PKNOX2: variants seen among roughly 807,000 people sequenced by gnomAD.
PKNOX2 encodes homeobox protein PKNOX2.
A neutral mutation model predicts 53.1 loss-of-function variants in PKNOX2; 14 were observed. The ratio of observed to expected loss-of-function variants is 0.26; its 90% confidence interval spans 0.17 to 0.41. The LOEUF (loss-of-function observed/expected upper bound fraction) is 0.41. Among genes scored for constraint, PKNOX2 ranks in the 10% least tolerant of loss-of-function variants. The pLI, the probability that PKNOX2 is intolerant of heterozygous loss-of-function variation, is 1.00. For synonymous variants in PKNOX2, 257 were observed against 242.8 expected (o/e 1.06, Z -0.54); for missense variants, 496 against 602.8 (o/e 0.82, Z 1.85).
chr11:125,263,644 C>T (rs987950987), intron 2 of PKNOX2, among the ~76,000 whole-genome samples: 1 of 152,238 alleles, frequency 6.6e-6, no homozygotes, highest in African/African-American at 2.4e-5. Flanking sequence ...GGGAGAGCTG[C>T]CGAGGGCCAG....
intron 11 of PKNOX2, 110 bp from the exon 12 acceptor site, chr11:125,429,853 C>A: frequency 7.9e-7 from 1 of 1,268,558 alleles, no homozygotes; most frequent in Non-Finnish European, 1.1e-6. Flanking sequence ...GGGATGGGAA[C>A]CCCGGTCTGC....
chr11:125,282,922 C>T lies in PKNOX2; in HGVS notation c.-130+47807C>T, dbSNP rs112740296. ...ATCCCAGCACTTTGGGGTGCTGAGG[C>T]GGGTGGATCACTTGAGGTCAGGAGT... is the stretch of plus-strand genomic sequence containing the variant. On this transcript the variant is annotated intron_variant, in intron 2 of 12. Transcript: ENST00000298282. 2.6e-3 allele frequency among the ~76,000 whole-genome samples: 398 copies of T among 152,262 alleles called. 2 individuals carry two copies. Among genetic ancestry groups the T allele is most frequent in the South Asian group, 9.1e-3 (44 of 4,830 alleles).
intron 7 of PKNOX2, among the ~76,000 whole-genome samples, chr11:125,404,236 C>T (rs754461805): frequency 2.3e-4 from 35 of 152,352 alleles, no homozygotes; most frequent in South Asian, 6.2e-4. Flanking sequence ...TCTCTTCTGC[C>T]GGTTCCTCAC....
intron 2 of PKNOX2, among the ~76,000 whole-genome samples, chr11:125,246,095 G>T (rs1273472767): frequency 6.6e-6 from 1 of 152,194 alleles, no homozygotes; most frequent in African/African-American, 2.4e-5. Context: ...TAGCCAGGAG[G>T]TGTCTTCATC....
At chr11:125,230,460 G>A (rs376906134) in intron 1 of PKNOX2, among the ~76,000 whole-genome samples, 7 of 152,156 alleles carry the variant, frequency 4.6e-5, no homozygotes, top group Non-Finnish European at 7.4e-5. Context: ...TTGGAGGGAC[G>A]AGTGGTCCAT....
chr11:125,407,239 A>C (rs1301960207), intron 7 of PKNOX2, among the ~76,000 whole-genome samples: 1 of 152,222 alleles, frequency 6.6e-6, no homozygotes, highest in African/African-American at 2.4e-5. Context: ...TTAGTTACCC[A>C]AATTGGGTAA....
intron 2 of PKNOX2, among the ~76,000 whole-genome samples, chr11:125,268,093 GA>G (rs1285480482): frequency 6.6e-6 from 1 of 152,218 alleles, no homozygotes; most frequent in Non-Finnish European, 1.5e-5. Flanking sequence ...GAATCTCAGG[GA>G]AAACAGGAGC....
intron 4 of PKNOX2, among the ~76,000 whole-genome samples, chr11:125,358,974 G>A (rs1951770683): frequency 6.6e-6 from 1 of 152,224 alleles, no homozygotes; most frequent in African/African-American, 2.4e-5. Context: ...GGCCTGGGGA[G>A]GGAGGAGAAG....
Position 125,410,843 on chromosome 11 carries a change from C to A in PKNOX2, c.783C>A (p.Ile261=). Reference sequence around the variant, plus strand: ...AGGGTCAGGTGGTCACCCAAGCAATCCCCCAGGGAGCCATCCAGATCCAGA... The same window carrying A: ...AGGGTCAGGTGGTCACCCAAGCAATACCCCAGGGAGCCATCCAGATCCAGA... ...TSQGQVVTQA[I]PQGAIQIQNT... The change falls in exon 9 of 13, where the codon ATC becomes ATA. Residue 261 remains isoleucine (I), a synonymous_variant. Coordinates refer to ENST00000298282, the MANE Select transcript of PKNOX2 (RefSeq NM_001382323.2). 6.2e-7 allele frequency: 1 copy of A among 1,614,026 alleles called. No individual in the cohort carries two copies. Among genetic ancestry groups the A allele is most frequent in the Non-Finnish European group, 8.5e-7 (1 of 1,179,968 alleles).
At chr11:125,398,410 G>C (rs1026133855) in intron 7 of PKNOX2, among the ~76,000 whole-genome samples, 29 of 152,232 alleles carry the variant, frequency 1.9e-4, no homozygotes, top group East Asian at 1.3e-3. Context: ...GCTGGGACAG[G>C]CTTCTTAAGA....
In PKNOX2 at chr11:125,411,180, G is replaced by C. The variant is rs61917823; in HGVS notation, c.816+304G>C. The C allele has an allele frequency of 9.5e-3, 3,102 of 327,460 alleles. 34 individuals carry two copies. Among genetic ancestry groups the C allele is most frequent in the Middle Eastern group, 0.071 (77 of 1,092 alleles). The allele number at this position is 327,460 out of a possible 1,614,324, so 20.3% of individuals were successfully genotyped here. ...TGCACACACAAAGGAAGAGTAGAAA[G>C]ATCGGAAGTCAGAGTCTGGGATCTG... On this transcript the variant is annotated intron_variant, in intron 9 of 12. Coordinates refer to ENST00000298282, the MANE Select transcript of PKNOX2 (RefSeq NM_001382323.2).
chr11:125,344,225 G>T (rs1250129766), intron 3 of PKNOX2, among the ~76,000 whole-genome samples: 1 of 152,216 alleles, frequency 6.6e-6, no homozygotes, highest in Non-Finnish European at 1.5e-5. Context: ...TAAGTGATCT[G>T]TTGGCCCGAC....
chr11:125,392,941 G>A (rs1768528319), intron 6 of PKNOX2, among the ~76,000 whole-genome samples: 1 of 152,052 alleles, frequency 6.6e-6, no homozygotes, highest in African/African-American at 2.4e-5. Flanking sequence ...GGCGGATCAT[G>A]AGGTCAGGAG....
intron 1 of PKNOX2, among the ~76,000 whole-genome samples, chr11:125,173,232 G>C (rs35660695): frequency 0.26 from 39,985 of 152,138 alleles, 5,458 homozygotes; most frequent in East Asian, 0.3. Context: ...TTAGTCTTCT[G>C]TCCTAATAAA....
intron 2 of PKNOX2, among the ~76,000 whole-genome samples, chr11:125,250,570 C>A (rs899880239): frequency 6.6e-6 from 1 of 152,166 alleles, no homozygotes; most frequent in Non-Finnish European, 1.5e-5. Flanking sequence ...TAGCGCTAGT[C>A]TGGAGGGATC....
intron 1 of PKNOX2, among the ~76,000 whole-genome samples, chr11:125,177,797 T>A (rs1955811643): frequency 6.6e-6 from 1 of 152,060 alleles, no homozygotes; most frequent in African/African-American, 2.4e-5. Flanking sequence ...TGACTAAGGA[T>A]CCTGAGCTGG....
At chr11:125,327,050 G>A (rs1949859885) in intron 2 of PKNOX2, among the ~76,000 whole-genome samples, 1 of 152,174 alleles carries the variant, frequency 6.6e-6, no homozygotes, top group African/African-American at 2.4e-5. Context: ...TAGGCTCTTG[G>A]GCCAACTGGG....
chr11:125,220,509 G>C (rs553220459), intron 1 of PKNOX2, among the ~76,000 whole-genome samples: 86 of 152,286 alleles, frequency 5.6e-4, no homozygotes, highest in African/African-American at 1.8e-3. Flanking sequence ...ATCGGAGATG[G>C]CTCCAGACAT....
chr11:125,175,703 T>C (rs1474793650), intron 1 of PKNOX2, among the ~76,000 whole-genome samples: 1 of 152,106 alleles, frequency 6.6e-6, no homozygotes, highest in Non-Finnish European at 1.5e-5. Context: ...GCAACAGGTA[T>C]GGGTGTGGGC....
Sources: gnomAD v4.1 joint callset for allele counts (sites outside exome capture counted in the v4.1 genomes callset) on GRCh38, gnomAD v4.1.1 for gene constraint, MANE v1.5 for transcripts, NCBI Gene and HGNC (gene_info 2026-07-23, HGNC 2026-07-21) for gene names.